DPF3: variants seen among roughly 807,000 people sequenced by gnomAD.
DPF3 encodes double PHD fingers 3.
Under a neutral mutation model 56.8 loss-of-function variants are expected in DPF3, and 18 were observed. That is an observed-to-expected ratio of 0.32 (90% CI 0.22 to 0.47). DPF3 has a LOEUF of 0.47. Ranked by LOEUF, DPF3 falls within the 20% of genes least tolerant of loss-of-function variation. The pLI, the probability that DPF3 is intolerant of heterozygous loss-of-function variation, is 1.00. For missense variants in DPF3, 403 were observed against 488.8 expected (o/e 0.82, Z 1.65); for synonymous variants, 188 against 180.2 (o/e 1.04, Z -0.35).
chr14:72,893,476 G>A (rs1429417569), intron 1 of DPF3, among the ~76,000 whole-genome samples: 8 of 152,064 alleles, frequency 5.3e-5, no homozygotes. Context: ...CTTCCCCCGC[G>A]GTGCTCCAAC....
chr14:72,816,120 C>T (rs1273362183), intron 1 of DPF3, among the ~76,000 whole-genome samples: 1 of 152,176 alleles, frequency 6.6e-6, no homozygotes, highest in Non-Finnish European at 1.5e-5. Context: ...CGTGAGCCCT[C>T]AGACTTCCCT....
At chr14:72,625,562 T>C (rs1278927660) in intron 9 of DPF3, among the ~76,000 whole-genome samples, 1 of 152,220 alleles carries the variant, frequency 6.6e-6, no homozygotes, top group Non-Finnish European at 1.5e-5. Flanking sequence ...GAATGGTGTT[T>C]AGAAACCAAT....
intron 1 of DPF3, among the ~76,000 whole-genome samples, chr14:72,826,373 C>G (rs1246959487): frequency 6.6e-6 from 1 of 152,172 alleles, no homozygotes; most frequent in Non-Finnish European, 1.5e-5. Context: ...ACTCTGCCTA[C>G]TCTCCGCTCC....
chr14:72,625,863 C>T lies in DPF3; in HGVS notation c.984+3761G>A, dbSNP rs541966592. Among the ~76,000 whole-genome samples, 8 of 152,246 alleles carry T rather than the reference C, an allele frequency of 5.3e-5. No individual in the cohort carries two copies. In the South Asian group the frequency reaches 1.7e-3, roughly 32 times the overall value. ...TTATTCTTTTTCTGACTTTGAGAAA[C>T]TAGACTCTCATTAGTCACAATACAC... On this transcript the variant is annotated intron_variant, in intron 9 of 10. Transcript: ENST00000556509.
chr14:72,712,163 C>T (rs1425001619), intron 6 of DPF3, among the ~76,000 whole-genome samples: 1 of 152,000 alleles, frequency 6.6e-6, no homozygotes, highest in Admixed American at 6.5e-5. Flanking sequence ...TCCAGAAAGC[C>T]TGCCGTCAGG....
intron 2 of DPF3, among the ~76,000 whole-genome samples, chr14:72,771,280 G>T (rs552558906): frequency 6.6e-6 from 1 of 152,016 alleles, no homozygotes; most frequent in Non-Finnish European, 1.5e-5. Context: ...TAATTCAGAC[G>T]AAATCTTATG....
chr14:72,644,664 G>A (rs932715632), intron 8 of DPF3, among the ~76,000 whole-genome samples: 9 of 152,192 alleles, frequency 5.9e-5, no homozygotes, highest in African/African-American at 2.2e-4. Context: ...AGTGCAGCAG[G>A]AGGGCCTTTC....
chr14:72,731,698 T>G, intron 4 of DPF3, 109 bp downstream of exon 4: 2 of 1,462,864 alleles, frequency 1.4e-6, no homozygotes, highest in Non-Finnish European at 1.9e-6. Context: ...AGTCTGAGAC[T>G]GAGCCCCGGC....
chr14:72,639,906 G>A (rs1885493220), intron 8 of DPF3, among the ~76,000 whole-genome samples: 1 of 151,862 alleles, frequency 6.6e-6, no homozygotes, highest in Non-Finnish European at 1.5e-5. Context: ...AATACAATGT[G>A]ATAAGTGCCA....
chr14:72,812,050 C>T (rs1883069038), intron 1 of DPF3, among the ~76,000 whole-genome samples: 1 of 152,176 alleles, frequency 6.6e-6, no homozygotes, highest in South Asian at 2.1e-4. Flanking sequence ...ACTGAGGTCT[C>T]TTGTATCTAA....
Position 72,620,152 on chromosome 14 carries a change from C to T in DPF3, c.985-168G>A, listed in dbSNP as rs112494732. Among the ~76,000 whole-genome samples, 406 of 152,258 alleles carry T rather than the reference C, an allele frequency of 2.7e-3. 1 individual carries two copies. The highest frequency in any genetic ancestry group is 0.022 in the South Asian group (108 of 4,806). ...CCCCTGAACACGCCTGTGCTTTTCC[C>T]ACAACTGGAGTTTCCCCCTCTACCT... is the stretch of plus-strand genomic sequence containing the variant. On this transcript the variant is annotated intron_variant, in intron 9 of 10. Transcript: ENST00000556509.
chr14:72,774,489 C>A (rs566198859), intron 1 of DPF3, among the ~76,000 whole-genome samples: 1 of 152,122 alleles, frequency 6.6e-6, no homozygotes, highest in Non-Finnish European at 1.5e-5. Context: ...GTTTTAAATG[C>A]ACTTTTCTAT....
At chr14:72,850,478 T>C (rs1414221799) in intron 1 of DPF3, among the ~76,000 whole-genome samples, 1 of 151,998 alleles carries the variant, frequency 6.6e-6, no homozygotes, top group Non-Finnish European at 1.5e-5. Flanking sequence ...TCCAAGTGAG[T>C]TCATCAGCAA....
chr14:72,810,346 G>C (rs1882983786), intron 1 of DPF3, among the ~76,000 whole-genome samples: 1 of 152,168 alleles, frequency 6.6e-6, no homozygotes, highest in African/African-American at 2.4e-5. Context: ...GCACTGCAAG[G>C]GCCTGCGGTC....
intron 8 of DPF3, among the ~76,000 whole-genome samples, chr14:72,659,822 C>G (rs550790447): frequency 6.6e-6 from 1 of 152,168 alleles, no homozygotes; most frequent in African/African-American, 2.4e-5. Context: ...TCAAAAGATA[C>G]ATGGATAAGC....
chr14:72,749,013 A>C (rs955212839), intron 3 of DPF3, among the ~76,000 whole-genome samples: 2 of 152,234 alleles, frequency 1.3e-5, no homozygotes, highest in African/African-American at 4.8e-5. Context: ...GGCACCACCT[A>C]GCGGAGCTGT....
intron 8 of DPF3, 61 bp downstream of exon 8, chr14:72,674,179 G>A: frequency 6.4e-7 from 1 of 1,556,552 alleles, no homozygotes; most frequent in Non-Finnish European, 8.7e-7. Flanking sequence ...AGATGGAAGA[G>A]GAATGCAAGA....
chr14:72,755,798 G>A (rs1567222527), intron 2 of DPF3, among the ~76,000 whole-genome samples: 1 of 152,102 alleles, frequency 6.6e-6, no homozygotes, highest in African/African-American at 2.4e-5. Context: ...ACAAGCAAAT[G>A]GTCGCAAGAG....
At chr14:72,795,349 G>A (rs1384721289) in intron 1 of DPF3, among the ~76,000 whole-genome samples, 1 of 146,834 alleles carries the variant, frequency 6.8e-6, no homozygotes, top group East Asian at 2.0e-4. Flanking sequence ...CATAGGATTT[G>A]GAACCACATC....
Sources: gnomAD v4.1 joint callset for allele counts (sites outside exome capture counted in the v4.1 genomes callset) on GRCh38, gnomAD v4.1.1 for gene constraint, MANE v1.5 for transcripts, NCBI Gene and HGNC (gene_info 2026-07-23, HGNC 2026-07-21) for gene names.